The following CPEB1 variants were observed in gnomAD, a reference collection of about 807,000 sequenced individuals.
CPEB1 encodes cytoplasmic polyadenylation element binding protein 1.
In CPEB1, 7 loss-of-function variants were observed where a neutral mutation model predicts 65.8. That is an observed-to-expected ratio of 0.11 (90% CI 0.06 to 0.20). The LOEUF is 0.20. CPEB1 is among the 10% of genes least tolerant of loss of function. CPEB1 has a pLI of 1.00. For missense variants in CPEB1, 551 were observed against 712.2 expected (o/e 0.77, Z 2.58); for synonymous variants, 262 against 260.0 (o/e 1.01, Z -0.08).
chr15:82,587,601 GGTA>G (rs1444238828), intron 3 of CPEB1, among the ~76,000 whole-genome samples: 1 of 152,160 alleles, frequency 6.6e-6, no homozygotes, highest in Non-Finnish European at 1.5e-5. Context: ...GTAGACTACA[GGTA>G]GTAGCACGTA....
chr15:82,587,766 G>A (rs2041916289), intron 3 of CPEB1, among the ~76,000 whole-genome samples: 1 of 152,150 alleles, frequency 6.6e-6, no homozygotes, highest in Non-Finnish European at 1.5e-5. Flanking sequence ...AGAAAGATGA[G>A]CTGTCCTAAG....
chr15:82,647,489 G>A (rs1162601006), upstream of CPEB1: 4 of 202,044 alleles, frequency 2.0e-5, no homozygotes, highest in South Asian at 1.9e-4. Flanking sequence ...CCCGTGCGAC[G>A]GCAGTGTGAG....
intron 3 of CPEB1, among the ~76,000 whole-genome samples, chr15:82,586,253 A>C (rs2041793853): frequency 6.6e-6 from 1 of 152,000 alleles, no homozygotes; most frequent in Non-Finnish European, 1.5e-5. Context: ...CAAAAAAAAA[A>C]AAAGCCACTA....
chr15:82,568,232 A>T (rs2039459884), intron 4 of CPEB1, among the ~76,000 whole-genome samples: 1 of 152,132 alleles, frequency 6.6e-6, no homozygotes, highest in African/African-American at 2.4e-5. Context: ...CATGTGATGT[A>T]CTTAGCACAA....
chr15:82,584,101 T>C (rs148514077), intron 3 of CPEB1, among the ~76,000 whole-genome samples: 4,319 of 151,394 alleles, frequency 0.029, 104 homozygotes, highest in Non-Finnish European at 0.04. Context: ...CTATTAAAAA[T>C]ACAAAAAATT....
At chr15:82,623,117 T>A (rs747076948) in intron 3 of CPEB1, among the ~76,000 whole-genome samples, 1 of 152,114 alleles carries the variant, frequency 6.6e-6, no homozygotes, top group African/African-American at 2.4e-5. Flanking sequence ...AGAAAAAAAA[T>A]AATCTACTCA....
At chr15:82,624,720 G>A (rs1265600266) in intron 3 of CPEB1, among the ~76,000 whole-genome samples, 2 of 152,116 alleles carry the variant, frequency 1.3e-5, no homozygotes, top group Non-Finnish European at 2.9e-5. Flanking sequence ...TTTCCCTGAA[G>A]TCCAACACCT....
Position 82,549,735 on chromosome 15 carries a change from C to T in CPEB1, c.1282-77G>A, listed in dbSNP as rs563486060. On this transcript the variant is annotated intron_variant, in intron 9 of 12. Transcript: ENST00000684509. ...AGGTGCTTGCACGGCAAGGTACGTG[C>T]TCTGGAGATACTGAAGCTAAGCTAA... The T allele has an allele frequency of 3.6e-6, 5 of 1,381,694 alleles. No homozygotes were observed. In the African/African-American group the frequency reaches 7.1e-5, roughly 20 times the overall value. 85.6% of individuals were successfully genotyped at this position (1,381,694 alleles called of 1,614,324 possible).
chr15:82,552,257 C>T lies in CPEB1; in HGVS notation c.1281+223G>A, dbSNP rs72751640. 7.6e-3 allele frequency among the ~76,000 whole-genome samples: 1,135 copies of T among 149,332 alleles called. 13 individuals carry two copies. Among genetic ancestry groups the T allele is most frequent in the Non-Finnish European group, 8.5e-3 (576 of 67,758 alleles). Reference sequence around the variant, plus strand: ...AGTTTGATTACCATGGGCAGGCATGCGCATGTGTGCATGCACACACCCCAT... The same window carrying T: ...AGTTTGATTACCATGGGCAGGCATGTGCATGTGTGCATGCACACACCCCAT... On this transcript the variant is annotated intron_variant, in intron 9 of 12. Transcript: ENST00000684509.
At chr15:82,601,666 CTGAT>C (rs1454734647) in intron 3 of CPEB1, among the ~76,000 whole-genome samples, 1 of 152,146 alleles carries the variant, frequency 6.6e-6, no homozygotes, top group Admixed American at 6.5e-5. Context: ...TATAAGGTCA[CTGAT>C]TGACAGGTTG....
At chr15:82,585,281 G>A (rs1007328665) in intron 3 of CPEB1, among the ~76,000 whole-genome samples, 9 of 151,992 alleles carry the variant, frequency 5.9e-5, no homozygotes, top group South Asian at 4.1e-4. Context: ...ACATATCTAC[G>A]TTTGGAAACT....
chr15:82,626,303 G>A (rs1031729759), intron 3 of CPEB1, among the ~76,000 whole-genome samples: 10 of 151,542 alleles, frequency 6.6e-5, no homozygotes, highest in Middle Eastern at 3.4e-3. Context: ...GTGTGGTGGC[G>A]CGTGCCTGTA....
At chr15:82,610,060 CAA>C (rs34626642) in intron 3 of CPEB1, among the ~76,000 whole-genome samples, 13 of 106,280 alleles carry the variant, frequency 1.2e-4, no homozygotes, top group Admixed American at 2.1e-4. Flanking sequence ...ACCTCCGTGG[CAA>C]AAAAAAAAAA....
chr15:82,646,480 C>T (rs950405421), intron 1 of CPEB1, among the ~76,000 whole-genome samples: 2 of 152,166 alleles, frequency 1.3e-5, no homozygotes, highest in Admixed American at 6.5e-5. Context: ...GACGCGGCCT[C>T]CTCCCAGGCG....
At chr15:82,644,063 G>C (rs1196196697) in intron 1 of CPEB1, among the ~76,000 whole-genome samples, 1 of 152,170 alleles carries the variant, frequency 6.6e-6, no homozygotes, top group Non-Finnish European at 1.5e-5. Context: ...CCCCACAGTG[G>C]GAGGAGCCTG....
intron 4 of CPEB1, among the ~76,000 whole-genome samples, chr15:82,568,720 T>G (rs2039546147): frequency 6.6e-6 from 1 of 152,188 alleles, no homozygotes; most frequent in Non-Finnish European, 1.5e-5. Context: ...TGAAAGCCCC[T>G]ATCATAGCAG....
chr15:82,634,005 C>T (rs1596137698), intron 1 of CPEB1, among the ~76,000 whole-genome samples: 3 of 151,320 alleles, frequency 2.0e-5, no homozygotes, highest in South Asian at 2.1e-4. Context: ...TTGCAGACTT[C>T]GTAGTAGTCA....
chr15:82,567,043 T>C (rs1467642605), intron 4 of CPEB1, among the ~76,000 whole-genome samples: 1 of 152,066 alleles, frequency 6.6e-6, no homozygotes, highest in Admixed American at 6.5e-5. Flanking sequence ...TCAAAAAATA[T>C]GTATTAGACA....
chr15:82,552,886 G>C (rs879817783), intron 8 of CPEB1, among the ~76,000 whole-genome samples: 1 of 152,220 alleles, frequency 6.6e-6, no homozygotes, highest in African/African-American at 2.4e-5. Flanking sequence ...CAAGAACACA[G>C]AGCATGTTCA....
Sources: allele counts gnomAD v4.1 joint callset (sites outside exome capture counted in the v4.1 genomes callset), GRCh38; gene constraint gnomAD v4.1.1; transcripts MANE v1.5; gene names NCBI Gene and HGNC (gene_info 2026-07-23, HGNC 2026-07-21).